Variants in CDH23 observed in about 807,000 individuals in gnomAD.
The protein encoded by CDH23 is cadherin-23.
In CDH23, 189 loss-of-function variants were observed where a neutral mutation model predicts 317.1. The ratio of observed to expected loss-of-function variants is 0.60; its 90% CI spans 0.53 to 0.67. The LOEUF (loss-of-function observed/expected upper bound fraction) is 0.67. Ranked by LOEUF, CDH23 falls within the 30% of genes least tolerant of loss-of-function variation. The pLI, the probability that CDH23 is intolerant of heterozygous loss-of-function variation, is 0.00. For missense variants in CDH23, 4,401 were observed against 4,592.4 expected (o/e 0.96, Z 1.20); for synonymous variants, 1,839 against 1,876.8 (o/e 0.98, Z 0.52).
At chr10:71,673,806 G>C (rs373011694) in intron 14 of CDH23, among the ~76,000 whole-genome samples, 8 of 152,344 alleles carry the variant, frequency 5.3e-5, no homozygotes, top group Admixed American at 1.3e-4. Flanking sequence ...GGTAGAAGGC[G>C]TGCAGGAGCC....
At chr10:71,528,513 G>C (rs1395976807) in intron 6 of CDH23, among the ~76,000 whole-genome samples, 1 of 152,266 alleles carries the variant, frequency 6.6e-6, no homozygotes, top group Non-Finnish European at 1.5e-5. Flanking sequence ...GCCTGCGGCA[G>C]ACACAGCTTT....
chr10:71,505,229 C>T (rs574489330), intron 3 of CDH23, among the ~76,000 whole-genome samples: 19 of 152,298 alleles, frequency 1.2e-4, no homozygotes, highest in South Asian at 8.3e-4. Flanking sequence ...GTGTAGAACA[C>T]GGACCTCTGA....
chr10:71,776,265 G>A (rs1053881628), intron 38 of CDH23, among the ~76,000 whole-genome samples: 1 of 152,118 alleles, frequency 6.6e-6, no homozygotes, highest in Non-Finnish European at 1.5e-5. Context: ...CCTCCTCAGG[G>A]GCAGTGACAG....
Position 71,739,783 on chromosome 10 carries a change from G to A in CDH23, c.4488+11G>A. 1 of 1,605,064 alleles carries A rather than the reference G, an allele frequency of 6.2e-7. No individual in the cohort carries two copies. The highest frequency in any genetic ancestry group is 1.3e-5 in the African/African-American group (1 of 74,960). Reference sequence around the variant, plus strand: ...CACTACATCCTCCAGGTGGGGCCTGGCCTCCCTTGGACTGAGAGACCACTG... The same window carrying A: ...CACTACATCCTCCAGGTGGGGCCTGACCTCCCTTGGACTGAGAGACCACTG... On this transcript the variant is annotated intron_variant, in intron 36 of 69. Coordinates refer to ENST00000224721, the MANE Select transcript of CDH23 (RefSeq NM_022124.6).
At chr10:71,534,275 C>T (rs189198591) in intron 6 of CDH23, among the ~76,000 whole-genome samples, 97 of 152,252 alleles carry the variant, frequency 6.4e-4, no homozygotes, top group Admixed American at 3.7e-3. Flanking sequence ...AACTAGCCCA[C>T]GGAACAGGCC....
Position 71,459,293 on chromosome 10 carries a change from C to T in CDH23, c.145+12898C>T, listed in dbSNP as rs538164803. Among the ~76,000 whole-genome samples the T allele has an allele frequency of 3.3e-5, 5 of 152,098 alleles. No individual in the cohort carries two copies. In the East Asian group the frequency reaches 7.8e-4, roughly 24 times the overall value. On this transcript the variant is annotated intron_variant, in intron 3 of 69. Transcript: ENST00000224721. ...TTTTTTTGTAGAGATGGGGGTCTCC[C>T]TGTGTTGCTGAGGCTGGTCTTGAAT...
chr10:71,737,260 G>T (rs1367484828), intron 34 of CDH23, among the ~76,000 whole-genome samples: 4 of 152,226 alleles, frequency 2.6e-5, no homozygotes, highest in Admixed American at 2.6e-4. Flanking sequence ...GAACAGGGAA[G>T]AGTAGGTGCC....
intron 8 of CDH23, among the ~76,000 whole-genome samples, chr10:71,571,688 T>A (rs987328141): frequency 5.9e-5 from 9 of 152,140 alleles, no homozygotes; most frequent in African/African-American, 2.2e-4. Context: ...GTGGAAAAAT[T>A]AGAAAAATGC....
chr10:71,787,997 A>G (rs984498070), intron 44 of CDH23, among the ~76,000 whole-genome samples: 1 of 152,204 alleles, frequency 6.6e-6, no homozygotes, highest in African/African-American at 2.4e-5. Flanking sequence ...AGGAATTTAC[A>G]TTCCCACCAG....
chr10:71,808,088 G>A, intron 60 of CDH23, 81 bp downstream of exon 60: 1 of 1,512,434 alleles, frequency 6.6e-7, no homozygotes, highest in Non-Finnish European at 8.9e-7. Context: ...GGGAGATGGG[G>A]TCTGTGGGAG....
At chr10:71,701,807 A>C (rs1483252779) in intron 22 of CDH23, among the ~76,000 whole-genome samples, 1 of 151,420 alleles carries the variant, frequency 6.6e-6, no homozygotes, top group Non-Finnish European at 1.5e-5. Context: ...TGGAATACAG[A>C]CTCCCCAGCC....
At chr10:71,733,696 A>G (rs1683154425) in intron 32 of CDH23, among the ~76,000 whole-genome samples, 1 of 152,232 alleles carries the variant, frequency 6.6e-6, no homozygotes, top group South Asian at 2.1e-4. Context: ...GCTGGGCTTC[A>G]TTGCAATAGT....
Position 71,810,013 on chromosome 10 carries a change from G to C in CDH23, c.8916G>C (p.Glu2972Asp), listed in dbSNP as rs1373395109. The change falls in exon 61 of 70, where the codon GAG becomes GAC. Residue 2972 changes from glutamate to aspartate, a missense_variant. By Grantham distance (45) the Glu-to-Asp change is conservative. This residue lies in a region of CDH23 where 1,144 missense variants were observed against 1,138.2 expected (regional missense o/e 1.01). Coordinates refer to ENST00000224721, the MANE Select transcript of CDH23 (RefSeq NM_022124.6). Reference sequence around the variant, plus strand: ...TCCCCGACCGTGTGCGCGGCTTCGAGGAGGAGTTCATCCACCTGCTCTCCA... The same window carrying C: ...TCCCCGACCGTGTGCGCGGCTTCGACGAGGAGTTCATCCACCTGCTCTCCA... Reference protein sequence around the residue: ...NEIPDRVRGFEEEFIHLLSNI... With the variant: ...NEIPDRVRGFDEEFIHLLSNI... 8 of 1,612,512 alleles carry C rather than the reference G, an allele frequency of 5.0e-6. No individual in the cohort carries two copies. Among genetic ancestry groups the C allele is most frequent in the Non-Finnish European group, 6.8e-6 (8 of 1,179,876 alleles).
chr10:71,726,432 G>A (rs1002142710), intron 30 of CDH23, among the ~76,000 whole-genome samples: 1 of 152,202 alleles, frequency 6.6e-6, no homozygotes, highest in Non-Finnish European at 1.5e-5. Flanking sequence ...GGGTCTGATT[G>A]CTCAGGGGCT....
At chr10:71,625,547 T>C (rs1268453928) in intron 11 of CDH23, among the ~76,000 whole-genome samples, 1 of 152,096 alleles carries the variant, frequency 6.6e-6, no homozygotes, top group Non-Finnish European at 1.5e-5. Flanking sequence ...TTTATTTTTA[T>C]CCGTCACCCT....
intron 43 of CDH23, among the ~76,000 whole-genome samples, 196 bp downstream of exon 43, chr10:71,785,296 G>A (rs1271036862): frequency 1.3e-5 from 2 of 152,238 alleles, no homozygotes; most frequent in Non-Finnish European, 2.9e-5. Flanking sequence ...CCTAGAGCCA[G>A]CCCTGAAGCT....
chr10:71,583,293 G>A (rs1027240841), intron 9 of CDH23, among the ~76,000 whole-genome samples: 2 of 152,092 alleles, frequency 1.3e-5, no homozygotes, highest in African/African-American at 4.8e-5. Flanking sequence ...GAGGCAGGGC[G>A]GGCCATGCAG....
intron 10 of CDH23, among the ~76,000 whole-genome samples, chr10:71,616,273 C>G (rs1861185989): frequency 1.3e-5 from 2 of 152,324 alleles, no homozygotes; most frequent in Admixed American, 1.3e-4. Flanking sequence ...AACGGGTGGC[C>G]CAAAGACTGA....
At chr10:71,715,807 CG>C in intron 28 of CDH23, 6 of 896,160 alleles carry the variant, frequency 6.7e-6, no homozygotes, top group South Asian at 4.5e-5. Context: ...CAAGGAGCTT[CG>C]GGGGGTGAGT....
Sources: allele counts gnomAD v4.1 joint callset (sites outside exome capture counted in the v4.1 genomes callset), GRCh38; gene constraint gnomAD v4.1.1; regional missense constraint gnomAD v4.1.1; transcripts MANE v1.5; gene names NCBI Gene and HGNC (gene_info 2026-07-23, HGNC 2026-07-21).